SRPK2: variants seen among roughly 807,000 people sequenced by gnomAD.
The protein encoded by SRPK2 is SFRS protein kinase 2.
Under a neutral mutation model 90.8 loss-of-function variants are expected in SRPK2, and 21 were observed. The ratio of observed to expected loss-of-function variants is 0.23; its 90% CI spans 0.16 to 0.33. The LOEUF (loss-of-function observed/expected upper bound fraction) is 0.33, where lower values mean the gene tolerates loss of function less well. SRPK2 is among the 10% of genes least tolerant of loss of function. SRPK2 has a pLI of 1.00. For synonymous variants in SRPK2, 288 were observed against 311.1 expected (o/e 0.93, Z 0.78); for missense variants, 620 against 869.0 (o/e 0.71, Z 3.60).
chr7:105,222,473 G>C (rs1798213138), intron 2 of SRPK2, among the ~76,000 whole-genome samples: 1 of 152,148 alleles, frequency 6.6e-6, no homozygotes, highest in Admixed American at 6.5e-5. Context: ...AACAATAACT[G>C]AAGACAATAG....
At chr7:105,392,199 GAGA>G (rs550065267), upstream of SRPK2, among the ~76,000 whole-genome samples, 1 of 152,178 alleles carries the variant, frequency 6.6e-6, no homozygotes, top group Admixed American at 6.6e-5. Context: ...TGGGGGGTGG[GAGA>G]AGGAGGGAGC....
chr7:105,393,062 T>G (rs1481528371), upstream of SRPK2, among the ~76,000 whole-genome samples: 1 of 151,586 alleles, frequency 6.6e-6, no homozygotes, highest in Non-Finnish European at 1.5e-5. Flanking sequence ...GGCGCGATCT[T>G]GGCCTAACGC....
chr7:105,254,834 T>C (rs1803022259), intron 2 of SRPK2, among the ~76,000 whole-genome samples: 1 of 150,422 alleles, frequency 6.6e-6, no homozygotes, highest in Non-Finnish European at 1.5e-5. Flanking sequence ...GGATTACAGG[T>C]GTACACCACC....
intron 2 of SRPK2, among the ~76,000 whole-genome samples, chr7:105,320,228 C>T (rs766470322): frequency 4.0e-5 from 6 of 151,178 alleles, no homozygotes; most frequent in South Asian, 2.1e-4. Flanking sequence ...CAAACACCCA[C>T]GCATATCCCT....
chr7:105,269,972 T>C (rs1805610675), intron 2 of SRPK2, among the ~76,000 whole-genome samples: 1 of 152,190 alleles, frequency 6.6e-6, no homozygotes, highest in Non-Finnish European at 1.5e-5. Context: ...TAGACCTCAA[T>C]AGTTTTTTAA....
At chr7:105,198,371 A>C (rs1333930510) in intron 3 of SRPK2, among the ~76,000 whole-genome samples, 1 of 152,166 alleles carries the variant, frequency 6.6e-6, no homozygotes, top group African/African-American at 2.4e-5. Context: ...TGAAACAAGC[A>C]TGTATGACAC....
chr7:105,387,959 G>T (rs1296009147), intron 2 of SRPK2, among the ~76,000 whole-genome samples: 3 of 152,126 alleles, frequency 2.0e-5, no homozygotes, highest in African/African-American at 7.2e-5. Flanking sequence ...CACGCCCACC[G>T]CCCTGCGCAG....
At chr7:105,383,199 G>A (rs976846479) in intron 2 of SRPK2, among the ~76,000 whole-genome samples, 3 of 149,876 alleles carry the variant, frequency 2.0e-5, no homozygotes, top group African/African-American at 7.4e-5. Context: ...CAACTAGCTG[G>A]GACTATAGGT....
At chr7:105,287,339 C>T (rs182936589) in intron 2 of SRPK2, among the ~76,000 whole-genome samples, 2 of 149,086 alleles carry the variant, frequency 1.3e-5, no homozygotes, top group Non-Finnish European at 3.0e-5. Context: ...CAAAACATAA[C>T]TCTCACAAAG....
At chr7:105,239,338 T>C (rs148084409) in intron 2 of SRPK2, among the ~76,000 whole-genome samples, 5 of 152,352 alleles carry the variant, frequency 3.3e-5, no homozygotes, top group African/African-American at 1.2e-4. Context: ...AAAGTATAGA[T>C]AGCATTCCTT....
At chr7:105,143,569 G>T in intron 9 of SRPK2, 1 of 528,056 alleles carries the variant, frequency 1.9e-6, no homozygotes, top group Non-Finnish European at 3.3e-6. Flanking sequence ...GAGGGATATA[G>T]CTTAAATCCA....
intron 2 of SRPK2, among the ~76,000 whole-genome samples, chr7:105,331,328 A>AAAAAAAC (rs1814347990): frequency 6.9e-6 from 1 of 145,870 alleles, no homozygotes; most frequent in African/African-American, 2.5e-5. Context: ...AAAAAAAAAA[A>AAAAAAAC]AAAAAAAAAC....
chr7:105,206,221 A>T (rs1014731981), intron 2 of SRPK2, among the ~76,000 whole-genome samples: 1 of 150,622 alleles, frequency 6.6e-6, no homozygotes, highest in Non-Finnish European at 1.5e-5. Context: ...GTGCTGGGGG[A>T]GGAGGGGAGT....
intron 2 of SRPK2, among the ~76,000 whole-genome samples, chr7:105,299,431 G>C (rs1172283945): frequency 1.3e-5 from 2 of 152,090 alleles, no homozygotes; most frequent in African/African-American, 2.4e-5. Flanking sequence ...AACCTAAAAA[G>C]ACACTAAAGC....
rs767913304 is a variant in SRPK2, at chr7:105,385,171, A to ATTT, written c.71+3474_71+3476dup. Reference sequence around the variant, plus strand: ...ACAGGCGTGAGCCACCGCGCCCGGCATTTTTTTTTTTTTTTTTTTTTTTTT... The same window carrying ATTT: ...ACAGGCGTGAGCCACCGCGCCCGGCATTTTTTTTTTTTTTTTTTTTTTTTTTTT... On this transcript the variant is annotated intron_variant, in intron 2 of 15. Transcript: ENST00000393651. Among the ~76,000 whole-genome samples, 279 of 49,678 alleles carry ATTT rather than the reference A, an allele frequency of 5.6e-3. 49 individuals are homozygous for ATTT. The highest frequency in any genetic ancestry group is 0.025 in the African/African-American group (260 of 10,238). The allele number at this position is 49,678 out of a possible 152,430, so 32.6% of individuals were successfully genotyped here. A position where few individuals can be genotyped will look rare whatever the true frequency, so the allele number is the denominator to read the frequency against.
At chr7:105,234,245 G>C (rs1169985507) in intron 2 of SRPK2, among the ~76,000 whole-genome samples, 3 of 151,998 alleles carry the variant, frequency 2.0e-5, no homozygotes, top group Admixed American at 1.3e-4. Context: ...TGCGGTTGTG[G>C]GTGTTTTTTG....
At chr7:105,136,349 G>A (rs752957735) in intron 11 of SRPK2, among the ~76,000 whole-genome samples, 3 of 152,166 alleles carry the variant, frequency 2.0e-5, no homozygotes, top group Non-Finnish European at 4.4e-5. Context: ...AACCCAACTG[G>A]AATGCTTTTG....
chr7:105,374,077 C>A (rs541430363), intron 2 of SRPK2, among the ~76,000 whole-genome samples: 1 of 152,114 alleles, frequency 6.6e-6, no homozygotes, highest in South Asian at 2.1e-4. Flanking sequence ...ATGGCACATG[C>A]CACCACGCCC....
intron 6 of SRPK2, among the ~76,000 whole-genome samples, chr7:105,161,150 C>T (rs1323609293): frequency 6.6e-6 from 1 of 152,142 alleles, no homozygotes. Context: ...TGGTCTCGAT[C>T]TCCTGACCTC....
Sources: gnomAD v4.1 joint callset for allele counts (sites outside exome capture counted in the v4.1 genomes callset) on GRCh38, gnomAD v4.1.1 for gene constraint, MANE v1.5 for transcripts, NCBI Gene and HGNC (gene_info 2026-07-23, HGNC 2026-07-21) for gene names.